Variants in USB1 observed in about 807,000 individuals in gnomAD.
USB1 encodes U6 snRNA phosphodiesterase 1.
USB1 carries 21 observed loss-of-function variants against 29.9 expected under a neutral mutation model. The ratio of observed to expected loss-of-function variants is 0.70; its 90% CI spans 0.50 to 1.01. The LOEUF is 1.01. Ranked by LOEUF, USB1 falls within the 50% of genes least tolerant of loss-of-function variation. The pLI is 0.00. For missense variants in USB1, 330 were observed against 347.1 expected (o/e 0.95, Z 0.39); for synonymous variants, 143 against 134.9 (o/e 1.06, Z -0.42).
At chr16:58,011,148 T>TA in intron 3 of USB1, 1 of 1,412,302 alleles carries the variant, frequency 7.1e-7, no homozygotes, top group Non-Finnish European at 9.7e-7. Context: ...AAGATGCTCC[T>TA]AGCACCCCTG....
intron 3 of USB1, chr16:58,012,607 C>T (rs1254477116): frequency 7.3e-7 from 1 of 1,373,082 alleles, no homozygotes; most frequent in Admixed American, 3.1e-5. Context: ...CAGCACAAGT[C>T]ACAGGAATGA....
At chr16:58,019,688 A>C (rs1963694934) in intron 6 of USB1, among the ~76,000 whole-genome samples, 1 of 152,208 alleles carries the variant, frequency 6.6e-6, no homozygotes, top group African/African-American at 2.4e-5. Flanking sequence ...AAGAGAAGCC[A>C]GAAACCTAGA....
chr16:58,011,367 TG>T (rs1963492201), intron 3 of USB1: 1 of 1,231,822 alleles, frequency 8.1e-7, no homozygotes, highest in Non-Finnish European at 1.0e-6. Flanking sequence ...ACCCCACTTC[TG>T]GTTTTGTCTG....
upstream of USB1, chr16:57,999,985 T>G (rs1445122524): frequency 1.3e-5 from 2 of 152,570 alleles, no homozygotes; most frequent in African/African-American, 4.8e-5. Flanking sequence ...GAAGCCTCTG[T>G]GATCACTCCG....
In USB1 at chr16:58,019,033, G is replaced by A. The variant is rs746447180; in HGVS notation, c.671G>A (p.Gly224Glu). 6.2e-7 allele frequency: 1 copy of A among 1,614,178 alleles called. No individual in the cohort carries two copies. The highest frequency in any genetic ancestry group is 1.6e-4 in the Middle Eastern group (1 of 6,062). The part of the protein sequence containing the change: ...CVGDARLQLE[G>E]QCLQELQAIV... ...GGTGATGCACGTCTCCAGCTGGAGG[G>A]GCAGTGCCTGCAGGAACTACAGGTG... Residue 224 changes from glycine (G) to glutamate (E), a missense_variant, in exon 6 of 7, where the codon GGG (glycine) becomes GAG (glutamate). Physicochemically the swap from Gly to Glu is moderately conservative, Grantham distance 98 (BLOSUM62 -2). Transcript: ENST00000219281.
At chr16:58,007,443 A>G (rs910347613) in intron 2 of USB1, among the ~76,000 whole-genome samples, 1 of 152,074 alleles carries the variant, frequency 6.6e-6, no homozygotes, top group Non-Finnish European at 1.5e-5. Flanking sequence ...GCACACTGGC[A>G]TGATCTCGGC....
At position 58,001,456 on chromosome 16, in the gene USB1, C is replaced by G. The variant is rs958348796; in HGVS notation, c.-28C>G. 1 of 1,579,148 alleles carries G rather than the reference C, an allele frequency of 6.3e-7. No homozygotes were observed. The highest frequency in any genetic ancestry group is 8.6e-7 in the Non-Finnish European group (1 of 1,163,478). On this transcript the variant is annotated 5_prime_UTR_variant, in exon 1 of 7. Transcript: ENST00000219281. Reference sequence around the variant, plus strand: ...GTGCCGGTTGAGGTTGCTGGTGGACCTGCTCTGGTGGTCTTGGATGAGGCC... The same window carrying G: ...GTGCCGGTTGAGGTTGCTGGTGGACGTGCTCTGGTGGTCTTGGATGAGGCC...
intron 3 of USB1, 50 bp from the exon 4 acceptor site, chr16:58,014,223 C>A (rs759211567): frequency 2.7e-6 from 4 of 1,472,266 alleles, no homozygotes; most frequent in Non-Finnish European, 3.8e-6. Context: ...GCTATTTTTT[C>A]TGCTTTTTTT....
chr16:58,011,077 T>C (rs1311402786), intron 3 of USB1: 1 of 898,610 alleles, frequency 1.1e-6, no homozygotes. Context: ...ACCCAGGAAA[T>C]TCCAAAGGAT....
At chr16:58,019,626 AGT>A (rs1480891401) in intron 6 of USB1, among the ~76,000 whole-genome samples, 1 of 118,130 alleles carries the variant, frequency 8.5e-6, no homozygotes, top group African/African-American at 3.6e-5. Context: ...GACAGTAGGG[AGT>A]GTGGCCATGC....
chr16:58,009,857 T>C, intron 2 of USB1, 72 bp from the exon 3 acceptor site: 3 of 1,594,196 alleles, frequency 1.9e-6, no homozygotes, highest in African/African-American at 1.3e-5. Context: ...CCCTCTGCCT[T>C]CTGGGCTTCT....
At chr16:58,010,236 C>A in intron 3 of USB1, 124 bp downstream of exon 3, 1 of 1,144,094 alleles carries the variant, frequency 8.7e-7, no homozygotes, top group Non-Finnish European at 1.3e-6. Context: ...GGCCCCTCTC[C>A]TGGGGCTGCC....
Position 58,017,201 on chromosome 16 carries a change from G to C in USB1, c.504-133G>C, listed in dbSNP as rs1468276434. 4 of 776,642 alleles carry C rather than the reference G, an allele frequency of 5.2e-6. No homozygotes were observed. In the African/African-American group the frequency reaches 6.8e-5, roughly 13 times the overall value. 48.1% of individuals were successfully genotyped at this position (776,642 alleles called of 1,614,324 possible). ...GAGAGTTGGCTCATGGAGCAGGAAAGCGAGTGTACCAGGGAGACGGTGAGA... is the reference window on the plus strand; with the variant it reads ...GAGAGTTGGCTCATGGAGCAGGAAACCGAGTGTACCAGGGAGACGGTGAGA... On this transcript the variant is annotated intron_variant, in intron 4 of 6. Transcript: ENST00000219281.
chr16:58,016,800 T>G, intron 4 of USB1: 1 of 181,792 alleles, frequency 5.5e-6, no homozygotes, highest in South Asian at 1.2e-4. Flanking sequence ...GGGTTGAAGA[T>G]GGGAGGTGAG....
intron 2 of USB1, among the ~76,000 whole-genome samples, chr16:58,006,169 A>G (rs909346900): frequency 6.6e-6 from 1 of 151,926 alleles, no homozygotes; most frequent in Admixed American, 6.6e-5. Context: ...CCTGACCAAC[A>G]TGGAGAAACC....
chr16:58,001,616 G>A, intron 1 of USB1, 35 bp downstream of exon 1: 2 of 1,573,780 alleles, frequency 1.3e-6, no homozygotes, highest in Admixed American at 1.8e-5. Flanking sequence ...GAGGGCGCGC[G>A]CATTCACCCT....
intron 1 of USB1, among the ~76,000 whole-genome samples, chr16:58,001,877 C>T (rs1200449828): frequency 1.3e-5 from 2 of 152,176 alleles, no homozygotes; most frequent in Admixed American, 6.5e-5. Context: ...ATCCTAGGTC[C>T]GTTTCCTGAT....
chr16:58,017,367 T>C lies in USB1; in HGVS notation c.537T>C (p.His179=), dbSNP rs1348354656. The part of the protein sequence containing the change: ...TFIGLEVTSG[H]AQFLDLVSEV... Reference sequence around the variant, plus strand: ...TTGGGCTTGAGGTCACTTCAGGGCATGCCCAGTTCCTGGACCTGGTTTCAG... The same window carrying C: ...TTGGGCTTGAGGTCACTTCAGGGCACGCCCAGTTCCTGGACCTGGTTTCAG... Residue 179 remains histidine (H), a synonymous_variant, in exon 5 of 7, where the codon CAT becomes CAC. Transcript: ENST00000219281. 1.9e-6 allele frequency: 3 copies of C among 1,614,112 alleles called. No individual in the cohort carries two copies. The African/African-American group carries it at 4.0e-5, about 22-fold the overall frequency.
In USB1 at chr16:58,019,005, G is replaced by A; in HGVS notation, c.643G>A (p.Val215Met). The change falls in exon 6 of 7, where the codon GTG becomes ATG. Residue 215 changes from valine (V) to methionine (M), a missense_variant. Val to Met is a conservative substitution (Grantham distance 21, BLOSUM62 1). Transcript: ENST00000219281. ...TTTCCACCTCAGCCTGGCCTGGTGT[G>A]TGGGTGATGCACGTCTCCAGCTGGA... ...PSFHLSLAWCVGDARLQLEGQ... is the reference protein window; with the variant it reads ...PSFHLSLAWCMGDARLQLEGQ... The A allele has an allele frequency of 1.2e-6, 2 of 1,614,232 alleles. No individual in the cohort carries two copies.
Sources: allele counts gnomAD v4.1 joint callset (sites outside exome capture counted in the v4.1 genomes callset), GRCh38; gene constraint gnomAD v4.1.1; transcripts MANE v1.5; gene names NCBI Gene and HGNC (gene_info 2026-07-23, HGNC 2026-07-21).